The following SETX variants were observed in gnomAD, a reference collection of about 807,000 sequenced individuals.
The protein encoded by SETX is helicase senataxin.
Under a neutral mutation model 227.2 loss-of-function variants are expected in SETX, and 90 were observed. The observed-to-expected ratio is 0.40, with a 90% CI of 0.33 to 0.47. The LOEUF is 0.47. Ranked by LOEUF, SETX falls within the 20% of genes least tolerant of loss-of-function variation. The pLI, the probability that SETX is intolerant of heterozygous loss-of-function variation, is 0.91. For synonymous variants in SETX, 1,210 were observed against 1,113.2 expected (o/e 1.09, Z -1.73); for missense variants, 3,052 against 3,181.5 (o/e 0.96, Z 0.98).
Position 132,323,252 on chromosome 9 carries a change from GT to G in SETX, c.5274+3071del, listed in dbSNP as rs1405691758. Among the ~76,000 whole-genome samples the G allele has an allele frequency of 9.2e-5, 14 of 152,136 alleles. No individual in the cohort carries two copies. In the South Asian group the frequency reaches 2.7e-3, roughly 29 times the overall value. On this transcript the variant is annotated intron_variant, in intron 10 of 25. Transcript: ENST00000224140. Reference sequence around the variant, plus strand: ...AGAACAAATTTATAGATTAACTAACGTACCTGATCATGAGCGATTTAAACAT... The same window carrying G: ...AGAACAAATTTATAGATTAACTAACGACCTGATCATGAGCGATTTAAACAT...
chr9:132,267,036 A>AG (rs1398674179), intron 25 of SETX, among the ~76,000 whole-genome samples: 1 of 152,264 alleles, frequency 6.6e-6, no homozygotes, highest in Admixed American at 6.5e-5. Flanking sequence ...ATCTGTCTAA[A>AG]GTCTTAAGAG....
chr9:132,296,075 G>A (rs1225131198), intron 14 of SETX, 47 bp from the exon 15 acceptor site: 15 of 1,606,668 alleles, frequency 9.3e-6, no homozygotes, highest in Non-Finnish European at 1.3e-5. Context: ...CAAAAAATAT[G>A]GGTGAGCTCT....
At position 132,314,244 on chromosome 9, in the gene SETX, C is replaced by G. The variant is rs552852143; in HGVS notation, c.5275-2388G>C. Among the ~76,000 whole-genome samples, 56 of 152,332 alleles carry G rather than the reference C, an allele frequency of 3.7e-4. No individual in the cohort carries two copies. The East Asian group carries it at 0.011, about 29-fold the overall frequency. ...AGTAGCTGGGATTACAGGCGCCCAC[C>G]ACCACGCCTGGCTAATTTTGTATTT... is the stretch of plus-strand genomic sequence containing the variant. On this transcript the variant is annotated intron_variant, in intron 10 of 25. Coordinates refer to ENST00000224140, the MANE Select transcript of SETX (RefSeq NM_015046.7).
At chr9:132,275,450 G>A (rs759259444) in intron 22 of SETX, 30 bp from the exon 23 acceptor site, 3 of 1,573,308 alleles carry the variant, frequency 1.9e-6, no homozygotes, top group South Asian at 1.1e-5. Context: ...AAAACACAGT[G>A]TTATCAAAAC....
Position 132,277,098 on chromosome 9 carries a change from C to T in SETX, c.6897G>A (p.Val2299=), listed in dbSNP as rs371302015. The part of the protein sequence containing the change: ...SSDWPFQPYL[V]FDVGDGSERR... ...TTTCTGAACCATCTCCAACATCAAACACAAGGTATGGCTGAAATGGCCAAT... is the reference window on the plus strand; with the variant it reads ...TTTCTGAACCATCTCCAACATCAAATACAAGGTATGGCTGAAATGGCCAAT... The change falls in exon 22 of 26, where the codon GTG becomes GTA. Residue 2299 remains valine (V), a synonymous_variant. Coordinates refer to ENST00000224140, the MANE Select transcript of SETX (RefSeq NM_015046.7). The T allele has an allele frequency of 2.5e-6, 4 of 1,613,646 alleles. No individual in the cohort carries two copies. Among genetic ancestry groups the T allele is most frequent in the Admixed American group, 3.3e-5 (2 of 59,978 alleles).
At position 132,288,658 on chromosome 9, in the gene SETX, A is replaced by T. The variant is rs766634428; in HGVS notation, c.6107-7T>A. ...TTTATATCTCCACAGTTTCCTGTTG[A>T]TAAGAATCACAGTTAAGGACTAATA... On this transcript the variant is annotated splice_polypyrimidine_tract_variant and splice_region_variant and intron_variant, in intron 15 of 25. Transcript: ENST00000224140. The T allele has an allele frequency of 1.3e-6, 2 of 1,587,934 alleles. No homozygotes were observed. Among genetic ancestry groups the T allele is most frequent in the African/African-American group, 1.3e-5 (1 of 74,496 alleles).
At chr9:132,342,600 A>C in intron 5 of SETX, 90 bp downstream of exon 5, 1 of 1,006,826 alleles carries the variant, frequency 9.9e-7, no homozygotes, top group South Asian at 1.3e-5. Context: ...CAAACATTTT[A>C]AACAAAATCC....
intron 1 of SETX, among the ~76,000 whole-genome samples, chr9:132,353,961 G>A (rs1049076772): frequency 3.3e-5 from 5 of 152,190 alleles, no homozygotes; most frequent in African/African-American, 7.2e-5. Context: ...CCCCACTCAC[G>A]GGGACAGCTA....
chr9:132,336,629 A>C, intron 5 of SETX, 114 bp from the exon 6 acceptor site: 1 of 791,490 alleles, frequency 1.3e-6, no homozygotes, highest in Non-Finnish European at 2.2e-6. Flanking sequence ...GTGACATATT[A>C]ATTAATGCAA....
chr9:132,346,607 T>A, intron 3 of SETX, 136 bp from the exon 4 acceptor site: 1 of 691,330 alleles, frequency 1.4e-6, no homozygotes, highest in Non-Finnish European at 2.5e-6. Flanking sequence ...ATTTTAGATT[T>A]AAAGAAAACT....
Position 132,330,277 on chromosome 9 carries a change from T to C in SETX, c.1321A>G (p.Lys441Glu). Reference protein sequence around the residue: ...QVVNHLYSEVKEVLNQTDAVC... With the variant: ...QVVNHLYSEVEEVLNQTDAVC... ...GCATCTGTTTGGTTGAGGACTTCTT[T>C]GACTTCAGAGTACAGATGATTAACA... The change falls in exon 10 of 26, where the codon AAA becomes GAA. Residue 441 changes from lysine to glutamate, a missense_variant. Transcript: ENST00000224140. 1 of 1,586,974 alleles carries C rather than the reference T, an allele frequency of 6.3e-7. No homozygotes were observed. Among genetic ancestry groups the C allele is most frequent in the African/African-American group, 1.3e-5 (1 of 74,218 alleles).
intron 7 of SETX, among the ~76,000 whole-genome samples, chr9:132,333,406 A>ATATAT (rs1417555956): frequency 0.011 from 696 of 64,722 alleles, 37 homozygotes; most frequent in African/African-American, 0.017. Context: ...AAGAAAAAAA[A>ATATAT]AAATATATAT....
chr9:132,272,505 G>C (rs1589612687), intron 23 of SETX, among the ~76,000 whole-genome samples: 1 of 151,676 alleles, frequency 6.6e-6, no homozygotes, highest in East Asian at 1.9e-4. Context: ...GAGAGAGACA[G>C]AGTCTCACTG....
chr9:132,268,893 CAAGA>C (rs1428581189), intron 25 of SETX, among the ~76,000 whole-genome samples: 1 of 152,094 alleles, frequency 6.6e-6, no homozygotes, highest in African/African-American at 2.4e-5. Flanking sequence ...AGGAGTGAAA[CAAGA>C]AAGAAGGTGT....
chr9:132,327,771 T>A lies in SETX; in HGVS notation c.3827A>T (p.Gln1276Leu), dbSNP rs896633538. The change falls in exon 10 of 26, where the codon CAG becomes CTG. Residue 1276 changes from glutamine (Q) to leucine (L), a missense_variant. Physicochemically the swap from Gln to Leu is moderately radical, Grantham distance 113. Transcript: ENST00000224140. The stretch of plus-strand genomic sequence containing the variant: ...AGCTGTTGAAGTTGGCTCAGGACAC[T>A]GACGAAATTTCTTTGGCGGCACTAT... ...PAIVPPKKFR[Q>L]CPEPTSTAEK... is the part of the protein sequence containing the mutation. 3 of 1,614,104 alleles carry A rather than the reference T, an allele frequency of 1.9e-6. No homozygotes were observed. In the African/African-American group the frequency reaches 4.0e-5, roughly 22 times the overall value.
At chr9:132,323,551 CAG>C in intron 10 of SETX, among the ~76,000 whole-genome samples, 1 of 150,526 alleles carries the variant, frequency 6.6e-6, no homozygotes, top group African/African-American at 2.5e-5. Flanking sequence ...AAGCAGGAAA[CAG>C]AAACGCCTAA....
chr9:132,333,594 G>A (rs1317560449), intron 7 of SETX, among the ~76,000 whole-genome samples: 2 of 151,824 alleles, frequency 1.3e-5, no homozygotes, highest in East Asian at 3.8e-4. Context: ...ATAGGATCTG[G>A]TATACTTGGT....
chr9:132,349,239 T>C lies in SETX; in HGVS notation c.177+13A>G. 2 of 1,612,792 alleles carry C rather than the reference T, an allele frequency of 1.2e-6. No individual in the cohort carries two copies. Among genetic ancestry groups the C allele is most frequent in the Non-Finnish European group, 8.5e-7 (1 of 1,179,258 alleles). On this transcript the variant is annotated intron_variant, in intron 3 of 25. Transcript: ENST00000224140. ...CAAGCTCTGAAAAATATTGCCCATC[T>C]AATATATTTTACCTCATGCAAGAAT...
chr9:132,293,876 T>C (rs993998441), intron 15 of SETX, among the ~76,000 whole-genome samples: 165 of 152,106 alleles, frequency 1.1e-3, no homozygotes, highest in African/African-American at 3.9e-3. Flanking sequence ...TACAAAAAAT[T>C]AGCCGGGTGT....
Sources: allele counts gnomAD v4.1 joint callset (sites outside exome capture counted in the v4.1 genomes callset), GRCh38; gene constraint gnomAD v4.1.1; transcripts MANE v1.5; gene names NCBI Gene and HGNC (gene_info 2026-07-23, HGNC 2026-07-21).